HNF1B: variants seen among roughly 807,000 people sequenced by gnomAD.
The protein encoded by HNF1B is HNF1 homeobox B.
A neutral mutation model predicts 61.7 loss-of-function variants in HNF1B; 8 were observed. The ratio of observed to expected loss-of-function variants is 0.13; its 90% CI spans 0.08 to 0.23. HNF1B has a LOEUF of 0.23. Ranked by LOEUF, HNF1B falls within the 10% of genes least tolerant of loss-of-function variation. The pLI, the probability that HNF1B is intolerant of heterozygous loss-of-function variation, is 1.00. For missense variants in HNF1B, 562 were observed against 714.5 expected, an observed-to-expected ratio of 0.79 and a Z score of 2.43; for synonymous variants, 314 against 287.7, an observed-to-expected ratio of 1.09 and a Z score of -0.93.
At chr17:37,731,161 G>T (rs774318480) in intron 4 of HNF1B, 1 of 262,274 alleles carries the variant, frequency 3.8e-6, no homozygotes, top group Non-Finnish European at 7.5e-6. Context: ...CGGACCGAGC[G>T]AGGGGCAGGA....
intron 4 of HNF1B, among the ~76,000 whole-genome samples, chr17:37,727,691 A>T (rs1163945755): frequency 6.6e-6 from 1 of 152,190 alleles, no homozygotes; most frequent in Non-Finnish European, 1.5e-5. Flanking sequence ...TGTGCCGGAC[A>T]TTCCAGGACT....
At chr17:37,697,645 G>A (rs1357946121) in intron 8 of HNF1B, among the ~76,000 whole-genome samples, 2 of 152,142 alleles carry the variant, frequency 1.3e-5, no homozygotes, top group Non-Finnish European at 2.9e-5. Flanking sequence ...GCGCCTGGCT[G>A]CCCCCCTGAT....
At chr17:37,708,730 A>T (rs8067619) in intron 5 of HNF1B, among the ~76,000 whole-genome samples, 330 of 152,284 alleles carry the variant, frequency 2.2e-3, no homozygotes, top group African/African-American at 7.4e-3. Context: ...CATGGAGAAG[A>T]ATCTTTCTTA....
At chr17:37,739,083 G>T (rs900463148) in intron 2 of HNF1B, among the ~76,000 whole-genome samples, 19 of 152,146 alleles carry the variant, frequency 1.2e-4, no homozygotes, top group Admixed American at 1.1e-3. Flanking sequence ...TTGACTGATG[G>T]TCACGTATCA....
At chr17:37,707,479 T>C (rs1035809976) in intron 5 of HNF1B, among the ~76,000 whole-genome samples, 1 of 152,188 alleles carries the variant, frequency 6.6e-6, no homozygotes, top group African/African-American at 2.4e-5. Context: ...AGGGTATCAG[T>C]GGTGATCCTT....
intron 2 of HNF1B, among the ~76,000 whole-genome samples, chr17:37,736,956 G>C (rs898454626): frequency 6.6e-6 from 1 of 152,130 alleles, no homozygotes; most frequent in Non-Finnish European, 1.5e-5. Flanking sequence ...TTGGGGTTGG[G>C]GAAGAAAATG....
intron 5 of HNF1B, among the ~76,000 whole-genome samples, chr17:37,705,364 G>T (rs1261048075): frequency 6.6e-6 from 1 of 152,180 alleles, no homozygotes; most frequent in African/African-American, 2.4e-5. Context: ...TATTCTAGGT[G>T]CTGGGGATAG....
At position 37,686,999 on chromosome 17, in the gene HNF1B, C is replaced by T. The variant is rs543074515; in HGVS notation, c.*373G>A. On this transcript the variant is annotated 3_prime_UTR_variant, in exon 9 of 9. Transcript: ENST00000617811. Reference sequence around the variant, plus strand: ...TTGGCTCAGTTCAATAGCACATGTCCTTCTCTCCTCATTTCAGTAACAGAT... The same window carrying T: ...TTGGCTCAGTTCAATAGCACATGTCTTTCTCTCCTCATTTCAGTAACAGAT... 95 of 485,702 alleles carry T rather than the reference C, an allele frequency of 2.0e-4. 3 individuals are homozygous for T. The South Asian group carries it at 2.0e-3, about 10-fold the overall frequency. The allele number at this position is 485,702 out of a possible 1,614,324, so 30.1% of individuals were successfully genotyped here. A position where few individuals can be genotyped will look rare whatever the true frequency, so the allele number is the denominator to read the frequency against.
chr17:37,736,966 G>A (rs927599309), intron 2 of HNF1B, among the ~76,000 whole-genome samples: 1 of 152,172 alleles, frequency 6.6e-6, no homozygotes, highest in African/African-American at 2.4e-5. Context: ...GGAAGAAAAT[G>A]TTCATTGCCC....
chr17:37,727,121 G>C (rs1469694188), intron 4 of HNF1B, among the ~76,000 whole-genome samples: 2 of 152,082 alleles, frequency 1.3e-5, no homozygotes, highest in Non-Finnish European at 1.5e-5. Flanking sequence ...CCTCCTCCTC[G>C]AGCCAATCAA....
chr17:37,740,096 G>A (rs567343572), intron 1 of HNF1B, among the ~76,000 whole-genome samples: 19 of 152,166 alleles, frequency 1.2e-4, no homozygotes, highest in Admixed American at 6.5e-4. Flanking sequence ...AGCCTCCAGA[G>A]TAACTGGGAT....
At chr17:37,731,912 G>A (rs1018232727) in intron 3 of HNF1B, 82 bp from the exon 4 acceptor site, 2 of 934,696 alleles carry the variant, frequency 2.1e-6, no homozygotes, top group Non-Finnish European at 3.4e-6. Flanking sequence ...CACAATCACA[G>A]CAGTCTTGGT....
chr17:37,689,318 A>G (rs181471586), intron 8 of HNF1B, among the ~76,000 whole-genome samples: 1 of 152,082 alleles, frequency 6.6e-6, no homozygotes, highest in Admixed American at 6.5e-5. Flanking sequence ...ACTTCCCACT[A>G]TCAGCCTTTT....
rs568622068 is a variant in HNF1B, at chr17:37,707,155, G to A, written c.1207-2106C>T. Reference sequence around the variant, plus strand: ...TTTTGAGACAGGGTCTTACTCTATCGCCAAGGCTGGAGTGCAGTGGCATGA... The same window carrying A: ...TTTTGAGACAGGGTCTTACTCTATCACCAAGGCTGGAGTGCAGTGGCATGA... On this transcript the variant is annotated intron_variant, in intron 5 of 8. Transcript: ENST00000617811. Among the ~76,000 whole-genome samples the A allele has an allele frequency of 7.5e-5, 11 of 146,570 alleles. No homozygotes were observed. In the South Asian group the frequency reaches 2.1e-3, roughly 29 times the overall value.
chr17:37,701,193 GA>G lies in HNF1B; in HGVS notation c.1340-17del. ...GTGTTGAGGCCTGTGGGAGCAAGAG[GA>G]AAAGATCACAGACAGCTCCTGGGAT... On this transcript the variant is annotated splice_polypyrimidine_tract_variant and intron_variant, in intron 6 of 8. Coordinates refer to ENST00000617811, the MANE Select transcript of HNF1B (RefSeq NM_000458.4). 2 of 1,549,856 alleles carry G rather than the reference GA, an allele frequency of 1.3e-6. No individual in the cohort carries two copies. Among genetic ancestry groups the G allele is most frequent in the Non-Finnish European group, 1.7e-6 (2 of 1,146,556 alleles).
intron 2 of HNF1B, among the ~76,000 whole-genome samples, chr17:37,736,142 TGAG>T (rs1311583004): frequency 6.6e-6 from 1 of 152,176 alleles, no homozygotes; most frequent in Non-Finnish European, 1.5e-5. Context: ...TGCAGTTACT[TGAG>T]GGGAAATCCA....
chr17:37,691,432 C>T (rs75926639), intron 8 of HNF1B, among the ~76,000 whole-genome samples: 2 of 152,110 alleles, frequency 1.3e-5, no homozygotes, highest in South Asian at 4.1e-4. Flanking sequence ...GTGCTCTTCA[C>T]CCCTATGTAA....
chr17:37,697,651 C>G (rs1598802937), intron 8 of HNF1B, among the ~76,000 whole-genome samples: 2 of 152,290 alleles, frequency 1.3e-5, no homozygotes, highest in Admixed American at 1.3e-4. Context: ...GGCTGCCCCC[C>G]TGATTGAGAT....
intron 4 of HNF1B, among the ~76,000 whole-genome samples, chr17:37,714,484 A>T (rs2033040295): frequency 6.6e-6 from 1 of 152,246 alleles, no homozygotes; most frequent in Non-Finnish European, 1.5e-5. Flanking sequence ...TGACAGTGGC[A>T]GATGGTAGCC....
Sources: allele counts gnomAD v4.1 joint callset (sites outside exome capture counted in the v4.1 genomes callset), GRCh38; gene constraint gnomAD v4.1.1; transcripts MANE v1.5; gene names NCBI Gene and HGNC (gene_info 2026-07-23, HGNC 2026-07-21).